SCN10A: variants seen among roughly 807,000 people sequenced by gnomAD.
SCN10A encodes the protein sodium voltage-gated channel alpha subunit 10, also known as sodium channel protein type 10 subunit alpha.
Under a neutral mutation model 170.7 loss-of-function variants are expected in SCN10A, and 162 were observed. The observed-to-expected ratio is 0.95, with a 90% confidence interval of 0.84 to 1.08. The LOEUF is 1.08. Among genes scored for constraint, SCN10A ranks in the 50% least tolerant of loss-of-function variants. The pLI is 0.00. For synonymous variants in SCN10A, 985 were observed against 904.6 expected (o/e 1.09, Z -1.59); for missense variants, 2,527 against 2,436.9 (o/e 1.04, Z -0.78).
At chr3:38,715,062 C>T (rs772328426) in intron 21 of SCN10A, among the ~76,000 whole-genome samples, 2 of 152,170 alleles carry the variant, frequency 1.3e-5, no homozygotes, top group Non-Finnish European at 2.9e-5. Flanking sequence ...CTTATTGCAC[C>T]AGGACAAAGA....
At chr3:38,795,517 A>T (rs943191125) in intron 1 of SCN10A, among the ~76,000 whole-genome samples, 4 of 151,698 alleles carry the variant, frequency 2.6e-5, no homozygotes, top group South Asian at 2.1e-4. Context: ...TTTTGAAAAA[A>T]TTTTTTTGTA....
chr3:38,786,552 A>C (rs562220425), intron 4 of SCN10A, among the ~76,000 whole-genome samples: 5 of 152,262 alleles, frequency 3.3e-5, no homozygotes, highest in East Asian at 3.9e-4. Flanking sequence ...GGGTGCAGCA[A>C]ACCACCATGA....
chr3:38,728,505 C>T (rs757347565), intron 16 of SCN10A, 37 bp downstream of exon 16: 1 of 1,523,956 alleles, frequency 6.6e-7, no homozygotes, highest in Non-Finnish European at 8.8e-7. Flanking sequence ...TCTCCTTTCC[C>T]CAGGAGACAG....
intron 13 of SCN10A, 64 bp downstream of exon 13, chr3:38,750,009 T>C: frequency 1.1e-6 from 1 of 884,530 alleles, no homozygotes; most frequent in South Asian, 1.5e-5. Context: ...AGACATTGCT[T>C]CTGCTGCTCA....
intron 21 of SCN10A, among the ~76,000 whole-genome samples, chr3:38,714,393 GC>G (rs1223412346): frequency 6.6e-6 from 1 of 152,166 alleles, no homozygotes; most frequent in Non-Finnish European, 1.5e-5. Flanking sequence ...CCTTCTAGGG[GC>G]AGCAGTCAGG....
At chr3:38,706,568 A>G (rs1012966787) in intron 26 of SCN10A, among the ~76,000 whole-genome samples, 3 of 152,334 alleles carry the variant, frequency 2.0e-5, no homozygotes, top group African/African-American at 7.2e-5. Flanking sequence ...TTCCCAAAAA[A>G]GTGCTATCTT....
intron 4 of SCN10A, among the ~76,000 whole-genome samples, chr3:38,778,775 G>C (rs2064104540): frequency 6.6e-6 from 1 of 151,996 alleles, no homozygotes; most frequent in African/African-American, 2.4e-5. Flanking sequence ...AACAACTAAT[G>C]GCTATTATCA....
chr3:38,752,219 C>G lies in SCN10A; in HGVS notation c.1755G>C (p.Ser585=). The G allele has an allele frequency of 1.3e-6, 2 of 1,510,146 alleles. No homozygotes were observed. The highest frequency in any genetic ancestry group is 1.8e-6 in the Non-Finnish European group (2 of 1,128,502). 93.5% of individuals were successfully genotyped at this position (1,510,146 alleles called of 1,614,324 possible). A position where few individuals can be genotyped will look rare whatever the true frequency, so the allele number is the denominator to read the frequency against. ...SELAPGAVDV[S]AFDAGQKKTF... is the part of the protein sequence containing the mutation. ...GAGTCTGAAGCATTCACAAACTCAC[C>G]GAGACATCGACAGCTCCAGGGGCAA... The change falls in exon 12 of 28, where the codon TCG becomes TCC. Residue 585 remains serine (S), a splice_region_variant and synonymous_variant. Coordinates refer to ENST00000449082, the MANE Select transcript of SCN10A (RefSeq NM_006514.4).
chr3:38,743,927 T>C (rs2126016332), intron 13 of SCN10A, among the ~76,000 whole-genome samples: 1 of 152,340 alleles, frequency 6.6e-6, no homozygotes, highest in East Asian at 1.9e-4. Flanking sequence ...TGTGGATGTG[T>C]AACTGTGTTC....
intron 17 of SCN10A, among the ~76,000 whole-genome samples, 198 bp downstream of exon 17, chr3:38,726,408 C>T (rs1020433786): frequency 6.6e-6 from 1 of 152,196 alleles, no homozygotes; most frequent in South Asian, 2.1e-4. Context: ...TGCTGCCCCC[C>T]ACTCCCTGTT....
chr3:38,801,967 A>T (rs2064373836), intron 1 of SCN10A, among the ~76,000 whole-genome samples: 1 of 152,104 alleles, frequency 6.6e-6, no homozygotes, highest in South Asian at 2.1e-4. Flanking sequence ...CTCCATAAAC[A>T]CCTCAAAATC....
intron 1 of SCN10A, among the ~76,000 whole-genome samples, chr3:38,797,391 A>G (rs894283000): frequency 2.0e-5 from 3 of 152,134 alleles, no homozygotes; most frequent in African/African-American, 7.2e-5. Flanking sequence ...GTCCTCCATT[A>G]CTTTCTTCTG....
intron 1 of SCN10A, 105 bp downstream of exon 1, chr3:38,815,932 T>C (rs2064473386): frequency 6.6e-6 from 1 of 152,174 alleles, no homozygotes; most frequent in Non-Finnish European, 1.5e-5. Flanking sequence ...CCACAAAACA[T>C]GCTTTGTTTT....
intron 3 of SCN10A, 109 bp from the exon 4 acceptor site, chr3:38,789,145 C>T: frequency 1.4e-6 from 1 of 707,274 alleles, no homozygotes; most frequent in African/African-American, 1.8e-5. Flanking sequence ...CCAATATTAG[C>T]TTTATGATCT....
At chr3:38,710,114 G>A (rs953049500) in intron 24 of SCN10A, among the ~76,000 whole-genome samples, 14 of 152,148 alleles carry the variant, frequency 9.2e-5, no homozygotes, top group Non-Finnish European at 1.9e-4. Flanking sequence ...TGCCACAGCA[G>A]GAAGTGGTCA....
intron 20 of SCN10A, among the ~76,000 whole-genome samples, chr3:38,720,975 C>T (rs936485827): frequency 6.6e-6 from 1 of 152,218 alleles, no homozygotes; most frequent in African/African-American, 2.4e-5. Context: ...TGTGCCAGGG[C>T]ACTGGGCACC....
chr3:38,783,987 C>A (rs2064169086), intron 4 of SCN10A, among the ~76,000 whole-genome samples: 1 of 152,040 alleles, frequency 6.6e-6, no homozygotes, highest in African/African-American at 2.4e-5. Context: ...ATGTTTATGG[C>A]CATTTGGATT....
At chr3:38,707,585 G>A (rs2063224382) in intron 25 of SCN10A, among the ~76,000 whole-genome samples, 1 of 152,176 alleles carries the variant, frequency 6.6e-6, no homozygotes. Context: ...CCCTGCCTGG[G>A]TCTCTAAAGC....
chr3:38,721,425 G>A (rs140584680), intron 20 of SCN10A, among the ~76,000 whole-genome samples: 117 of 152,314 alleles, frequency 7.7e-4, no homozygotes, highest in African/African-American at 2.7e-3. Flanking sequence ...GCAAACAACT[G>A]AGGATGTTAA....
Sources: allele counts gnomAD v4.1 joint callset (sites outside exome capture counted in the v4.1 genomes callset), GRCh38; gene constraint gnomAD v4.1.1; transcripts MANE v1.5; gene names NCBI Gene and HGNC (gene_info 2026-07-23, HGNC 2026-07-21).